PPP2R5D: variants seen among roughly 807,000 people sequenced by gnomAD.
PPP2R5D encodes the protein protein phosphatase 2 regulatory subunit B'delta.
A neutral mutation model predicts 79.1 loss-of-function variants in PPP2R5D; 12 were observed. The ratio of observed to expected loss-of-function variants is 0.15; its 90% CI spans 0.10 to 0.25. PPP2R5D has a LOEUF of 0.25. PPP2R5D is among the 10% of genes least tolerant of loss of function. The pLI is 1.00. For missense variants in PPP2R5D, 419 were observed against 760.2 expected (o/e 0.55, Z 5.28); for synonymous variants, 277 against 286.6 (o/e 0.97, Z 0.34).
In PPP2R5D at chr6:43,012,302, T is replaced by C; in HGVS notation, c.*1016T>C. On this transcript the variant is annotated 3_prime_UTR_variant, in exon 16 of 16. Coordinates refer to ENST00000485511, the MANE Select transcript of PPP2R5D (RefSeq NM_006245.4). Reference sequence around the variant, plus strand: ...AAGGTGGGTTGGGCTTGGACCGATGTCCCCATATGTACAGAACTGAATAAA... The same window carrying C: ...AAGGTGGGTTGGGCTTGGACCGATGCCCCCATATGTACAGAACTGAATAAA... 6 of 1,387,454 alleles carry C rather than the reference T, an allele frequency of 4.3e-6. No homozygotes were observed. Among genetic ancestry groups the C allele is most frequent in the Non-Finnish European group, 5.6e-6 (6 of 1,069,408 alleles). The allele number at this position is 1,387,454 out of a possible 1,614,324, so 85.9% of individuals were successfully genotyped here. A position where few individuals can be genotyped will look rare whatever the true frequency, so the allele number is the denominator to read the frequency against.
rs944906825 is a variant in PPP2R5D, at chr6:42,995,129, T to TC, written c.105+5441_105+5442insC. On this transcript the variant is annotated intron_variant, in intron 2 of 15. Transcript: ENST00000485511. ...TGTCCCACCGAACTTTTTCTTTCTT[T>TC]TTTTTTTTTTTTTTTTTTGGAGATA... is the stretch of plus-strand genomic sequence containing the variant. Among the ~76,000 whole-genome samples, 7 of 134,588 alleles carry TC rather than the reference T, an allele frequency of 5.2e-5. No homozygotes were observed. The South Asian group carries it at 9.1e-4, about 17-fold the overall frequency. The allele number at this position is 134,588 out of a possible 152,430, so 88.3% of individuals were successfully genotyped here. A position where few individuals can be genotyped will look rare whatever the true frequency, so the allele number is the denominator to read the frequency against.
chr6:42,984,712 T>A lies in PPP2R5D; in HGVS notation c.27+8T>A, dbSNP rs1158546496. The A allele has an allele frequency of 2.5e-6, 4 of 1,612,068 alleles. No homozygotes were observed. The highest frequency in any genetic ancestry group is 3.4e-6 in the Non-Finnish European group (4 of 1,179,130). On this transcript the variant is annotated splice_region_variant and intron_variant, in intron 1 of 15. Coordinates refer to ENST00000485511, the MANE Select transcript of PPP2R5D (RefSeq NM_006245.4). ...AAACTGAAAAAGGAGAAGGTGAGCG[T>A]GGCCCTTTTTCCCCCACCGCCGCCT...
chr6:43,009,519 A>G lies in PPP2R5D; in HGVS notation c.1379+70A>G, dbSNP rs1762248600. On this transcript the variant is annotated intron_variant, in intron 12 of 15. Transcript: ENST00000485511. This position sits in a 1 kb window ranked among gnomAD's most constrained non-coding sequence, Gnocchi z 5.6. ...AAACTTTGAGGGTATGGAAGAACTA[A>G]AGAGCCAGGGGTCTCACCTAGTCAC... 3 of 1,599,784 alleles carry G rather than the reference A, an allele frequency of 1.9e-6. No individual in the cohort carries two copies. The South Asian group carries it at 3.3e-5, about 18-fold the overall frequency.
chr6:43,008,183 C>A lies in PPP2R5D; in HGVS notation c.858-18C>A. The A allele has an allele frequency of 6.2e-7, 1 of 1,614,032 alleles. No individual in the cohort carries two copies. Among genetic ancestry groups the A allele is most frequent in the Non-Finnish European group, 8.5e-7 (1 of 1,180,000 alleles). ...GGGACATCAGGGGTTGTCAAGAGAG[C>A]CATTTTTCTTCCCTCAGGTTCATCT... is the stretch of plus-strand genomic sequence containing the variant. On this transcript the variant is annotated intron_variant, in intron 7 of 15. Coordinates refer to ENST00000485511, the MANE Select transcript of PPP2R5D (RefSeq NM_006245.4). The surrounding 1 kb of genome is among the most constrained non-coding windows in gnomAD (Gnocchi z 4.2).
In PPP2R5D at chr6:42,984,604, G is replaced by A. The variant is rs932873885; in HGVS notation, c.-74G>A. The A allele has an allele frequency of 9.9e-6, 15 of 1,517,924 alleles. No homozygotes were observed. Among genetic ancestry groups the A allele is most frequent in the African/African-American group, 1.4e-5 (1 of 69,930 alleles). The allele number at this position is 1,517,924 out of a possible 1,614,324, so 94.0% of individuals were successfully genotyped here. A position where few individuals can be genotyped will look rare whatever the true frequency, so the allele number is the denominator to read the frequency against. ...AGGCGGTGGCGAAGAGACGCCGAGC[G>A]GGCCGAGTGCGGCCGAGCAAAGCCG... On this transcript the variant is annotated 5_prime_UTR_variant, in exon 1 of 16. Coordinates refer to ENST00000485511, the MANE Select transcript of PPP2R5D (RefSeq NM_006245.4).
chr6:43,004,184 G>A (rs1339129819), intron 2 of PPP2R5D, among the ~76,000 whole-genome samples: 1 of 152,074 alleles, frequency 6.6e-6, no homozygotes, highest in Non-Finnish European at 1.5e-5. Context: ...CACCAGGCCT[G>A]GCTAATTTTT....
Position 43,007,593 on chromosome 6 carries a change from G to A in PPP2R5D, c.726+87G>A. Reference sequence around the variant, plus strand: ...CCCAGTGGCTCTTTCCCCTTAAGCTGAATATATTGGGTTTCATCCATGTCT... The same window carrying A: ...CCCAGTGGCTCTTTCCCCTTAAGCTAAATATATTGGGTTTCATCCATGTCT... On this transcript the variant is annotated intron_variant, in intron 6 of 15. Transcript: ENST00000485511. The surrounding 1 kb of genome is among the most constrained non-coding windows in gnomAD (Gnocchi z 4.5). 1.6e-6 allele frequency: 2 copies of A among 1,278,766 alleles called. No homozygotes were observed. The highest frequency in any genetic ancestry group is 2.4e-5 in the South Asian group (2 of 83,518). The allele number at this position is 1,278,766 out of a possible 1,614,324, so 79.2% of individuals were successfully genotyped here. A position where few individuals can be genotyped will look rare whatever the true frequency, so the allele number is the denominator to read the frequency against.
chr6:42,984,636 G>T lies in PPP2R5D; in HGVS notation c.-42G>T. On this transcript the variant is annotated 5_prime_UTR_variant, in exon 1 of 16. Coordinates refer to ENST00000485511, the MANE Select transcript of PPP2R5D (RefSeq NM_006245.4). ...GTGCGGCCGAGCAAAGCCGGAGCCG[G>T]AGCGGGGCCGCAGGAGACGGGCCGG... The T allele has an allele frequency of 6.3e-7, 1 of 1,578,022 alleles. No individual in the cohort carries two copies. Among genetic ancestry groups the T allele is most frequent in the Admixed American group, 1.9e-5 (1 of 53,716 alleles).
intron 2 of PPP2R5D, among the ~76,000 whole-genome samples, chr6:42,995,140 T>TTTTTTTTTTTTTTTTTTTTTTG (rs1771563987): frequency 6.8e-6 from 1 of 146,502 alleles, no homozygotes; most frequent in South Asian, 2.2e-4. Context: ...TTTTTTTTTT[T>TTTTTTTTTTTTTTTTTTTTTTG]TTTTTTTGGA....
chr6:42,998,019 A>AC (rs1771848435), intron 2 of PPP2R5D, among the ~76,000 whole-genome samples: 1 of 6,868 alleles, frequency 1.5e-4, no homozygotes, highest in African/African-American at 6.1e-4. Context: ...TTTTATTTAT[A>AC]TATATATATA....
In PPP2R5D at chr6:43,012,337, T is replaced by C. The variant is rs1254192285; in HGVS notation, c.*1051T>C. On this transcript the variant is annotated 3_prime_UTR_variant, in exon 16 of 16. Transcript: ENST00000485511. ...TACAGAACTGAATAAAGTGGGTCTC[T>C]GAGAAGTCTGATGTGCCTTGATGTG... 1 of 1,474,878 alleles carries C rather than the reference T, an allele frequency of 6.8e-7. No individual in the cohort carries two copies. Among genetic ancestry groups the C allele is most frequent in the Non-Finnish European group, 9.0e-7 (1 of 1,113,302 alleles). The allele number at this position is 1,474,878 out of a possible 1,614,324, so 91.4% of individuals were successfully genotyped here.
At chr6:42,986,893 C>T (rs772772359) in intron 1 of PPP2R5D, among the ~76,000 whole-genome samples, 1 of 151,970 alleles carries the variant, frequency 6.6e-6, no homozygotes, top group Non-Finnish European at 1.5e-5. Context: ...ATAACTCTCA[C>T]CTCCCTATAA....
chr6:42,985,141 C>T (rs1191896837), intron 1 of PPP2R5D, among the ~76,000 whole-genome samples: 1 of 151,928 alleles, frequency 6.6e-6, no homozygotes, highest in Non-Finnish European at 1.5e-5. Context: ...GTCTCCTCTT[C>T]CTACCCGCCT....
At position 43,010,830 on chromosome 6, in the gene PPP2R5D, C is replaced by G. The variant is rs768579005; in HGVS notation, c.1555-51C>G. On this transcript the variant is annotated intron_variant, in intron 14 of 15. Coordinates refer to ENST00000485511, the MANE Select transcript of PPP2R5D (RefSeq NM_006245.4). The surrounding 1 kb of genome is among the most constrained non-coding windows in gnomAD (Gnocchi z 4.7). ...GGGGAGGAATATGGGGCACACAGGCCCCCAAGCCTCTGAAGTGGCTCTTAA... is the reference window on the plus strand; with the variant it reads ...GGGGAGGAATATGGGGCACACAGGCGCCCAAGCCTCTGAAGTGGCTCTTAA... 62 of 1,599,432 alleles carry G rather than the reference C, an allele frequency of 3.9e-5. No homozygotes were observed. The Middle Eastern group carries it at 2.3e-3, about 60-fold the overall frequency.
chr6:42,992,880 G>C (rs1771365826), intron 2 of PPP2R5D, among the ~76,000 whole-genome samples: 1 of 152,162 alleles, frequency 6.6e-6, no homozygotes, highest in Non-Finnish European at 1.5e-5. Context: ...ATAGAAATAG[G>C]CTGGGTGCGG....
intron 15 of PPP2R5D, 27 bp downstream of exon 15, chr6:43,011,024 G>C: frequency 6.2e-7 from 1 of 1,609,692 alleles, no homozygotes; most frequent in Non-Finnish European, 8.5e-7. Flanking sequence ...GGGGGATGGA[G>C]CAGAAATAAT....
At chr6:43,004,448 A>G (rs948826985) in intron 2 of PPP2R5D, among the ~76,000 whole-genome samples, 1 of 152,038 alleles carries the variant, frequency 6.6e-6, no homozygotes, top group South Asian at 2.1e-4. Context: ...TATTACTACT[A>G]TTGGGGTTGG....
chr6:42,998,013 ATT>A (rs1491128449), intron 2 of PPP2R5D, among the ~76,000 whole-genome samples: 1,075 of 37,908 alleles, frequency 0.028, 78 homozygotes, highest in African/African-American at 0.076. Context: ...TTTGGGTTTT[ATT>A]TATATATATA....
At chr6:43,002,081 T>C (rs900660995) in intron 2 of PPP2R5D, among the ~76,000 whole-genome samples, 1 of 151,992 alleles carries the variant, frequency 6.6e-6, no homozygotes, top group African/African-American at 2.4e-5. Context: ...AGCTAATAAG[T>C]GGCGAGCCAG....
Sources: gnomAD v4.1 joint callset for allele counts (sites outside exome capture counted in the v4.1 genomes callset) on GRCh38, gnomAD v4.1.1 for gene constraint, Gnocchi (gnomAD v3.1) non-coding constraint, MANE v1.5 for transcripts, NCBI Gene and HGNC (gene_info 2026-07-23, HGNC 2026-07-21) for gene names.